The following IQCM variants were observed in gnomAD, a reference collection of about 807,000 sequenced individuals.
IQCM encodes IQ domain-containing protein M.
IQCM carries 45 observed loss-of-function variants against 57.6 expected under a neutral mutation model. The ratio of observed to expected loss-of-function variants is 0.78; its 90% confidence interval spans 0.62 to 1.00. The LOEUF is 1.00. Ranked by LOEUF, IQCM falls within the 50% of genes least tolerant of loss-of-function variation. IQCM has a pLI of 0.00. For synonymous variants in IQCM, 148 were observed against 158.9 expected, an observed-to-expected ratio of 0.93 and a Z score of 0.51; for missense variants, 468 against 511.6, an observed-to-expected ratio of 0.91 and a Z score of 0.82.
At chr4:149,414,339 C>A (rs763967041) in intron 13 of IQCM, among the ~76,000 whole-genome samples, 8 of 152,088 alleles carry the variant, frequency 5.3e-5, no homozygotes, top group Non-Finnish European at 7.4e-5. Context: ...AAAACCGATG[C>A]CTCAAATTAC....
intron 12 of IQCM, among the ~76,000 whole-genome samples, chr4:149,434,771 G>A (rs920468794): frequency 2.6e-5 from 4 of 152,022 alleles, no homozygotes; most frequent in African/African-American, 7.2e-5. Flanking sequence ...GAGGATGAAT[G>A]GGTTCTTTCT....
chr4:149,595,716 A>T (rs1042538369), intron 8 of IQCM, among the ~76,000 whole-genome samples: 2 of 152,144 alleles, frequency 1.3e-5, no homozygotes, highest in Non-Finnish European at 2.9e-5. Context: ...GAGATTTTTC[A>T]CAAGCCAATC....
rs538615971 is a variant in IQCM, at chr4:149,376,723, T to G, written c.1391-24657A>C. On this transcript the variant is annotated intron_variant, in intron 13 of 13. Coordinates refer to ENST00000636793, the MANE Select transcript of IQCM (RefSeq NM_001363507.2). Reference sequence around the variant, plus strand: ...GGTAAGACAGATAAGAAATGCATTTTTCTGCAATAAAAAAATTAAACATAT... The same window carrying G: ...GGTAAGACAGATAAGAAATGCATTTGTCTGCAATAAAAAAATTAAACATAT... 2.5e-3 allele frequency among the ~76,000 whole-genome samples: 383 copies of G among 152,308 alleles called. 1 individual carries two copies. The highest frequency in any genetic ancestry group is 8.7e-3 in the African/African-American group (361 of 41,578).
chr4:149,430,810 C>T (rs998596379), intron 13 of IQCM, among the ~76,000 whole-genome samples: 1 of 151,888 alleles, frequency 6.6e-6, no homozygotes, highest in Admixed American at 6.6e-5. Context: ...TATGAATATT[C>T]ATATACAAGT....
chr4:149,382,238 G>A (rs998604777), intron 13 of IQCM, among the ~76,000 whole-genome samples: 1 of 152,072 alleles, frequency 6.6e-6, no homozygotes, highest in East Asian at 1.9e-4. Context: ...CCTTGAATAA[G>A]TGAATAAGTG....
At chr4:149,486,679 G>A (rs1396616733) in intron 12 of IQCM, among the ~76,000 whole-genome samples, 2 of 152,182 alleles carry the variant, frequency 1.3e-5, no homozygotes, top group Admixed American at 6.5e-5. Context: ...CCAGGAGGTG[G>A]AGGTTGCAGT....
At chr4:149,418,427 C>T (rs897105383) in intron 13 of IQCM, among the ~76,000 whole-genome samples, 1 of 152,078 alleles carries the variant, frequency 6.6e-6, no homozygotes, top group African/African-American at 2.4e-5. Flanking sequence ...ACAATGAGTT[C>T]TGAAATTAAG....
At chr4:149,374,875 C>T (rs562715615) in intron 13 of IQCM, among the ~76,000 whole-genome samples, 2 of 151,904 alleles carry the variant, frequency 1.3e-5, no homozygotes, top group Admixed American at 1.3e-4. Flanking sequence ...TGATACTTGG[C>T]TTTTGCTATA....
intron 2 of IQCM, among the ~76,000 whole-genome samples, chr4:149,781,917 A>C (rs1580283645): frequency 6.6e-6 from 1 of 152,326 alleles, no homozygotes; most frequent in Non-Finnish European, 1.5e-5. Flanking sequence ...CACACTGAGT[A>C]GGAGAAACAA....
chr4:149,440,128 T>C lies in IQCM; in HGVS notation c.1229-6571A>G, dbSNP rs1301565501. 4.6e-4 allele frequency among the ~76,000 whole-genome samples: 65 copies of C among 142,686 alleles called. 1 individual carries two copies. The South Asian group carries it at 0.015, about 33-fold the overall frequency. The allele number at this position is 142,686 out of a possible 152,430, so 93.6% of individuals were successfully genotyped here. ...TGTGCCACCATGCCCGGCCTTTTTT[T>C]TTTTTTTTTTTTTTTTTTTAGTAGA... On this transcript the variant is annotated intron_variant, in intron 12 of 13. Coordinates refer to ENST00000636793, the MANE Select transcript of IQCM (RefSeq NM_001363507.2).
chr4:149,364,293 A>T (rs1273233662), intron 13 of IQCM, among the ~76,000 whole-genome samples: 1 of 152,154 alleles, frequency 6.6e-6, no homozygotes, highest in East Asian at 1.9e-4. Flanking sequence ...CTATAGCAAT[A>T]GCTCTGGGCA....
intron 7 of IQCM, among the ~76,000 whole-genome samples, chr4:149,646,561 A>G (rs1337989070): frequency 6.6e-6 from 1 of 152,228 alleles, no homozygotes; most frequent in African/African-American, 2.4e-5. Context: ...AAGAAAGTTG[A>G]CAAACTTTTT....
chr4:149,401,784 A>C (rs1256929054), intron 13 of IQCM, among the ~76,000 whole-genome samples: 1 of 151,846 alleles, frequency 6.6e-6, no homozygotes, highest in Non-Finnish European at 1.5e-5. Flanking sequence ...ATTATTTTTC[A>C]GCACTGCTAA....
intron 13 of IQCM, among the ~76,000 whole-genome samples, chr4:149,401,026 T>C (rs934843256): frequency 5.3e-5 from 8 of 151,918 alleles, no homozygotes; most frequent in African/African-American, 1.4e-4. Context: ...AAAGAGTGTC[T>C]GTGTGCTCAA....
intron 12 of IQCM, among the ~76,000 whole-genome samples, chr4:149,534,070 A>G (rs1047645203): frequency 1.1e-4 from 17 of 152,100 alleles, no homozygotes; most frequent in African/African-American, 3.9e-4. Context: ...TGTTATATTG[A>G]TTATCCTTTA....
chr4:149,471,146 CA>C (rs1377886095), intron 12 of IQCM, among the ~76,000 whole-genome samples: 2 of 151,918 alleles, frequency 1.3e-5, no homozygotes, highest in African/African-American at 4.8e-5. Context: ...GATAGAGACC[CA>C]AAAAACCCTT....
intron 2 of IQCM, among the ~76,000 whole-genome samples, chr4:149,770,891 T>C (rs1485606594): frequency 2.0e-5 from 3 of 152,020 alleles, no homozygotes; most frequent in Admixed American, 6.5e-5. Context: ...ATGTCTATTC[T>C]CAATACCTCT....
intron 7 of IQCM, among the ~76,000 whole-genome samples, chr4:149,629,981 G>A (rs1346073073): frequency 6.6e-6 from 1 of 151,514 alleles, no homozygotes; most frequent in Non-Finnish European, 1.5e-5. Flanking sequence ...GCGGGTGTGG[G>A]GTGGGGGGGT....
intron 5 of IQCM, among the ~76,000 whole-genome samples, chr4:149,693,525 C>G (rs7671532): frequency 0.21 from 31,631 of 152,134 alleles, 4,104 homozygotes; most frequent in Non-Finnish European, 0.28. Context: ...CTCATACTCT[C>G]TCAATTCAGA....
Sources: gnomAD v4.1 joint callset for allele counts (sites outside exome capture counted in the v4.1 genomes callset) on GRCh38, gnomAD v4.1.1 for gene constraint, MANE v1.5 for transcripts, NCBI Gene and HGNC (gene_info 2026-07-23, HGNC 2026-07-21) for gene names.